The following RLIM variants were observed in gnomAD, a reference collection of about 807,000 sequenced individuals.
RLIM encodes the protein ring finger protein, LIM domain interacting.
A neutral mutation model predicts 34.0 loss-of-function variants in RLIM; 2 were observed. That is an observed-to-expected ratio of 0.06 (90% CI 0.02 to 0.19). The LOEUF (loss-of-function observed/expected upper bound fraction) is 0.19, where lower values mean the gene tolerates loss of function less well. Among genes scored for constraint, RLIM ranks in the 10% least tolerant of loss-of-function variants. The pLI is 1.00. For synonymous variants in RLIM, 169 were observed against 164.0 expected, an observed-to-expected ratio of 1.03 and a Z score of -0.23; for missense variants, 286 against 479.7, an observed-to-expected ratio of 0.60 and a Z score of 3.77.
intron 1 of RLIM, among the ~76,000 whole-genome samples, chrX:74,603,692 CAA>C (rs1007449459): frequency 1.8e-5 from 2 of 111,507 alleles, no homozygotes; most frequent in Non-Finnish European, 1.9e-5. Flanking sequence ...CAGCACAGTC[CAA>C]AAGAGATACA....
chrX:74,613,193 C>T (rs1159282789), intron 1 of RLIM, among the ~76,000 whole-genome samples: 1 of 110,959 alleles, frequency 9.0e-6, no homozygotes, highest in Non-Finnish European at 1.9e-5. Flanking sequence ...TAAGTAGTTA[C>T]TCTGTCTATA....
chrX:74,603,191 G>A (rs1227453109), intron 1 of RLIM, among the ~76,000 whole-genome samples: 1 of 110,409 alleles, frequency 9.1e-6, no homozygotes, highest in African/African-American at 3.3e-5. Flanking sequence ...GTCATAGTAA[G>A]CTACATACTC....
intron 1 of RLIM, among the ~76,000 whole-genome samples, chrX:74,605,625 CA>C (rs2079679323): frequency 8.9e-6 from 1 of 111,798 alleles, no homozygotes; most frequent in African/African-American, 3.2e-5. Flanking sequence ...TCAGATAAGT[CA>C]GAAATTCTGA....
rs368665721 is a variant in RLIM, at chrX:74,592,776, C to T, written c.539G>A (p.Arg180Gln). The T allele has an allele frequency of 7.4e-5, 89 of 1,209,784 alleles. 1 individual carries two copies. In the East Asian group the frequency reaches 2.1e-3, roughly 29 times the overall value. ...NNSQRQVENP[R>Q]SESTSARPSR... ...TGGCCTTGCAGATGTTGATTCAGAT[C>T]GTGGGTTTTCCACTTGCCTTTGGCT... Residue 180 changes from arginine (R) to glutamine (Q), a missense_variant, in exon 4 of 4, where the codon CGA (arginine) becomes CAA (glutamine). Transcript: ENST00000332687.
At chrX:74,611,607 AGG>A (rs780071027) in intron 1 of RLIM, among the ~76,000 whole-genome samples, 3 of 112,230 alleles carry the variant, frequency 2.7e-5, no homozygotes, top group Non-Finnish European at 5.6e-5. Context: ...ACAGACGAAA[AGG>A]GGGGATTGCT....
intron 1 of RLIM, among the ~76,000 whole-genome samples, chrX:74,601,635 A>C (rs757611513): frequency 8.9e-6 from 1 of 111,871 alleles, no homozygotes; most frequent in African/African-American, 3.2e-5. Context: ...TTGGTCAGAC[A>C]TGGATATTTT....
At position 74,592,857 on chromosome X, in the gene RLIM, T is replaced by G. The variant is rs1301158647; in HGVS notation, c.458A>C (p.Glu153Ala). ...TCTTGCAGATGGCTCATTTTCATTC[T>G]CTGAATTTTGGCTCCCATTATTACG... The part of the protein sequence containing the change: ...VNRNNGSQNS[E>A]NENEPSARRS... Residue 153 changes from glutamate (E) to alanine (A), a missense_variant, in exon 4 of 4, where the codon GAG (glutamate) becomes GCG (alanine). Around this residue, in one of 6 missense-constraint regions of RLIM, gnomAD observed 121 missense variants for 182.4 expected, o/e 0.66. Transcript: ENST00000332687. 8.3e-7 allele frequency: 1 copy of G among 1,211,973 alleles called. No homozygotes were observed. The highest frequency in any genetic ancestry group is 1.1e-6 in the Non-Finnish European group (1 of 895,326).
chrX:74,594,333 G>A lies in RLIM; in HGVS notation c.226C>T (p.Pro76Ser), dbSNP rs1372981983. 2 of 1,207,187 alleles carry A rather than the reference G, an allele frequency of 1.7e-6. No individual in the cohort carries two copies. The highest frequency in any genetic ancestry group is 3.6e-5 in the South Asian group (2 of 55,944). The change falls in exon 3 of 4, where the codon CCA (proline) becomes TCA (serine). Residue 76 changes from proline (P) to serine (S), a missense_variant. Physicochemically the swap from Pro to Ser is moderately conservative, Grantham distance 74 (BLOSUM62 -1). Around this residue, in one of 6 missense-constraint regions of RLIM, gnomAD observed 62 missense variants for 71.3 expected, o/e 0.87. Coordinates refer to ENST00000332687, the MANE Select transcript of RLIM (RefSeq NM_016120.4). ...RRLQQIKEGP[P>S]PQNSDENRGG... ...CTATTTTCATCTGAGTTTTGCGGTG[G>A]TGGGCCTTCTTTAATTTGCTGTAGT...
At chrX:74,608,109 G>A (rs975035016) in intron 1 of RLIM, among the ~76,000 whole-genome samples, 2 of 111,865 alleles carry the variant, frequency 1.8e-5, no homozygotes, top group Admixed American at 1.9e-4. Flanking sequence ...AAGAGATACT[G>A]AAATCCAGTC....
chrX:74,583,090 A>C lies in RLIM; in HGVS notation c.*8350T>G. On this transcript the variant is annotated 3_prime_UTR_variant, in exon 4 of 4. Transcript: ENST00000332687. ...CTTTTCGTGGTCCCTGATCAATTTT[A>C]AACAGTTGGAACACCGGTGGCACTG... 1 of 1,146,804 alleles carries C rather than the reference A, an allele frequency of 8.7e-7. No homozygotes were observed. The highest frequency in any genetic ancestry group is 1.2e-6 in the Non-Finnish European group (1 of 835,685). The allele number at this position is 1,146,804 out of a possible 1,213,427, so 94.5% of individuals were successfully genotyped here. A position where few individuals can be genotyped will look rare whatever the true frequency, so the allele number is the denominator to read the frequency against.
intron 1 of RLIM, among the ~76,000 whole-genome samples, chrX:74,613,072 G>A (rs950610965): frequency 3.6e-5 from 4 of 110,394 alleles, no homozygotes; most frequent in Non-Finnish European, 5.7e-5. Flanking sequence ...AAGTGGATTG[G>A]TCTTTCTAGC....
At position 74,595,992 on chromosome X, in the gene RLIM, G is replaced by A; in HGVS notation, c.-15C>T. On this transcript the variant is annotated 5_prime_UTR_variant, in exon 2 of 4. Transcript: ENST00000332687. ...GAGTTTTCCATATTGATGAACAAGT[G>A]GAAAATACCTGAAAAGAGAAAAGAG... 8.9e-7 allele frequency: 1 copy of A among 1,122,189 alleles called. No homozygotes were observed. 92.5% of individuals were successfully genotyped at this position (1,122,189 alleles called of 1,213,427 possible).
rs774710317 is a variant in RLIM, at chrX:74,590,148, CAT to C, written c.*1290_*1291del. On this transcript the variant is annotated 3_prime_UTR_variant, in exon 4 of 4. Transcript: ENST00000332687. ...TTCGAGACTTTCCTATTAACACACA[CAT>C]GTGTACCAACTGCAATTCATATGCT... 4.3e-4 allele frequency: 48 copies of C among 112,240 alleles called. No homozygotes were observed. The highest frequency in any genetic ancestry group is 1.5e-3 in the South Asian group (4 of 2,732). The allele number at this position is 112,240 out of a possible 1,213,427, so 9.2% of individuals were successfully genotyped here.
chrX:74,589,618 A>T lies in RLIM; in HGVS notation c.*1822T>A, dbSNP rs1242116316. The T allele has an allele frequency of 8.9e-6, 1 of 112,375 alleles. No homozygotes were observed. Among genetic ancestry groups the T allele is most frequent in the African/African-American group, 3.2e-5 (1 of 30,960 alleles). The allele number at this position is 112,375 out of a possible 1,213,427, so 9.3% of individuals were successfully genotyped here. A position where few individuals can be genotyped will look rare whatever the true frequency, so the allele number is the denominator to read the frequency against. ...AAGAGTGAGCTTTGAAATAATCTTT[A>T]CAGCTAAGTTGGTAACAGTGAAGGT... On this transcript the variant is annotated 3_prime_UTR_variant, in exon 4 of 4. Transcript: ENST00000332687.
At chrX:74,602,506 C>T (rs1430029699) in intron 1 of RLIM, among the ~76,000 whole-genome samples, 1 of 111,150 alleles carries the variant, frequency 9.0e-6, no homozygotes, top group Non-Finnish European at 1.9e-5. Context: ...CCGAGTTGGG[C>T]GGATCATTTG....
chrX:74,601,979 C>CA (rs1465079725), intron 1 of RLIM, among the ~76,000 whole-genome samples: 101 of 111,567 alleles, frequency 9.1e-4, no homozygotes, highest in Non-Finnish European at 1.6e-3. Flanking sequence ...TTGAACACCA[C>CA]CCTCAAAGAT....
In RLIM at chrX:74,591,719, A is replaced by G. The variant is rs1458652162; in HGVS notation, c.1596T>C (p.Ala532=). 8.3e-7 allele frequency: 1 copy of G among 1,211,709 alleles called. No homozygotes were observed. Among genetic ancestry groups the G allele is most frequent in the Non-Finnish European group, 1.1e-6 (1 of 895,513 alleles). Reference sequence around the variant, plus strand: ...CATCCTCATTTAAGAGGAAAAACTGAGCCAGGCTAAGGAAGGGCAAAGAGC... The same window carrying G: ...CATCCTCATTTAAGAGGAAAAACTGGGCCAGGCTAAGGAAGGGCAAAGAGC... ...ESGSLPFLSL[A]QFFLLNEDDD... The change falls in exon 4 of 4, where the codon GCT becomes GCC. Residue 532 remains alanine (A), a synonymous_variant. Transcript: ENST00000332687.
In RLIM at chrX:74,587,907, A is replaced by G. The variant is rs900360333; in HGVS notation, c.*3533T>C. 8.9e-6 allele frequency: 1 copy of G among 112,096 alleles called. No homozygotes were observed. The highest frequency in any genetic ancestry group is 3.2e-5 in the African/African-American group (1 of 30,795). The allele number at this position is 112,096 out of a possible 1,213,427, so 9.2% of individuals were successfully genotyped here. A position where few individuals can be genotyped will look rare whatever the true frequency, so the allele number is the denominator to read the frequency against. On this transcript the variant is annotated 3_prime_UTR_variant, in exon 4 of 4. Transcript: ENST00000332687. ...AATCTTAAGGTTTGGATGAATTCCA[A>G]TCGTTTTTAAAAACTGTGTGTGTAC...
In RLIM at chrX:74,591,920, CGAACTGGAACTG is replaced by C; in HGVS notation, c.1383_1394del (p.Ser473_Ser476del). ...TGGAACTTGAACTGGAACTGGAACTCGAACTGGAACTGGAACTCGAACTGGAACCAGAACTAC... is the reference window on the plus strand; with the variant it reads ...TGGAACTTGAACTGGAACTGGAACTCGAACTCGAACTGGAACCAGAACTAC... On this transcript the variant is annotated inframe_deletion, in exon 4 of 4. Coordinates refer to ENST00000332687, the MANE Select transcript of RLIM (RefSeq NM_016120.4). 4 of 1,197,930 alleles carry C rather than the reference CGAACTGGAACTG, an allele frequency of 3.3e-6. No individual in the cohort carries two copies. Among genetic ancestry groups the C allele is most frequent in the Non-Finnish European group, 4.5e-6 (4 of 888,408 alleles).
Sources: gnomAD v4.1 joint callset for allele counts (sites outside exome capture counted in the v4.1 genomes callset) on GRCh38, gnomAD v4.1.1 for gene constraint, gnomAD v4.1.1 regional missense constraint, MANE v1.5 for transcripts, NCBI Gene and HGNC (gene_info 2026-07-23, HGNC 2026-07-21) for gene names.